Variants in DAPK2 observed in about 807,000 individuals in gnomAD.
The protein encoded by DAPK2 is death-associated protein kinase 2.
Under a neutral mutation model 44.1 loss-of-function variants are expected in DAPK2, and 35 were observed. The observed-to-expected ratio is 0.79, with a 90% confidence interval of 0.61 to 1.05. The LOEUF (loss-of-function observed/expected upper bound fraction) is 1.05. DAPK2 is among the 50% of genes least tolerant of loss of function. DAPK2 has a pLI of 0.00. For missense variants in DAPK2, 453 were observed against 483.2 expected (o/e 0.94, Z 0.59); for synonymous variants, 174 against 182.6 (o/e 0.95, Z 0.38).
At chr15:63,938,915 T>C (rs576018506) in intron 4 of DAPK2, among the ~76,000 whole-genome samples, 1 of 152,298 alleles carries the variant, frequency 6.6e-6, no homozygotes, top group Admixed American at 6.5e-5. Flanking sequence ...TAATTTTAAG[T>C]CTTCACAAGA....
chr15:64,042,622 G>T (rs749212430), upstream of DAPK2, among the ~76,000 whole-genome samples: 15 of 152,236 alleles, frequency 9.9e-5, no homozygotes, highest in Non-Finnish European at 1.9e-4. The surrounding 1 kb of genome is among the most constrained non-coding windows in gnomAD (Gnocchi z 4.7). Context: ...GGTTAGGGGG[G>T]CAGGTGAGCC....
chr15:64,036,529 C>T (rs905212155), intron 1 of DAPK2, among the ~76,000 whole-genome samples: 3 of 151,266 alleles, frequency 2.0e-5, no homozygotes, highest in Non-Finnish European at 4.4e-5. Flanking sequence ...GGATAACCAC[C>T]ATTCAGACTT....
At chr15:64,007,225 G>A (rs1208899556) in intron 1 of DAPK2, among the ~76,000 whole-genome samples, 7 of 151,804 alleles carry the variant, frequency 4.6e-5, no homozygotes, top group African/African-American at 9.7e-5. Flanking sequence ...TCAGCCTCTC[G>A]AGTAGCTGGG....
At chr15:63,989,514 G>A (rs1053593260) in intron 1 of DAPK2, among the ~76,000 whole-genome samples, 2 of 152,220 alleles carry the variant, frequency 1.3e-5, no homozygotes, top group African/African-American at 4.8e-5. Flanking sequence ...TAACTGACCA[G>A]TAGTGTGTAC....
rs142688860 is a variant in DAPK2 at position 63,931,936 on chromosome 15, A to G, written c.584-1481T>C. On this transcript the variant is annotated intron_variant, in intron 4 of 10. Coordinates refer to ENST00000261891, the Ensembl canonical transcript of DAPK2. The stretch of plus-strand genomic sequence containing the variant: ...TCCCAGCACTTTGGGAGGCCAAGGT[A>G]GGTGGATCACTTGATGTCAAGAGTT... 5.9e-4 allele frequency among the ~76,000 whole-genome samples: 89 copies of G among 149,850 alleles called. No homozygotes were observed. The East Asian group carries it at 0.017, about 29-fold the overall frequency.
chr15:64,042,486 G>A (rs180767927), upstream of DAPK2, among the ~76,000 whole-genome samples: 191 of 152,332 alleles, frequency 1.3e-3, no homozygotes, highest in African/African-American at 4.1e-3. This position sits in a 1 kb window ranked among gnomAD's most constrained non-coding sequence, Gnocchi z 4.7. Context: ...AGTGGTCCCA[G>A]GAACAGCTAA....
intron 1 of DAPK2, among the ~76,000 whole-genome samples, chr15:64,004,007 C>T (rs1234629033): frequency 6.6e-6 from 1 of 152,028 alleles, no homozygotes; most frequent in Non-Finnish European, 1.5e-5. Flanking sequence ...CAGTTTGTTC[C>T]ATCAAATCAA....
intron 2 of DAPK2, among the ~76,000 whole-genome samples, chr15:63,976,119 C>G (rs2078339560): frequency 6.6e-6 from 1 of 152,162 alleles, no homozygotes; most frequent in Admixed American, 6.5e-5. Flanking sequence ...CTATGATATG[C>G]TGTGACTTAC....
intron 3 of DAPK2, among the ~76,000 whole-genome samples, chr15:63,942,977 T>C (rs570380308): frequency 3.3e-5 from 5 of 152,126 alleles, no homozygotes; most frequent in Admixed American, 6.6e-5. Flanking sequence ...TCAATATATG[T>C]GCCCCAAGTG....
At chr15:64,025,728 T>A (rs1183871148) in intron 1 of DAPK2, among the ~76,000 whole-genome samples, 1 of 152,152 alleles carries the variant, frequency 6.6e-6, no homozygotes, top group Non-Finnish European at 1.5e-5. Flanking sequence ...AAAATCGAAT[T>A]TCCACAAGTT....
At chr15:63,943,959 T>C (rs1000407331) in intron 3 of DAPK2, among the ~76,000 whole-genome samples, 4 of 152,186 alleles carry the variant, frequency 2.6e-5, no homozygotes, top group African/African-American at 4.8e-5. Context: ...ACCTCGTGCC[T>C]GGCTCAGACA....
chr15:63,993,785 G>C (rs2078878339), intron 1 of DAPK2, among the ~76,000 whole-genome samples: 1 of 152,070 alleles, frequency 6.6e-6, no homozygotes, highest in South Asian at 2.1e-4. Context: ...ATTGGACCAA[G>C]ATATCTCTTT....
At chr15:63,959,929 G>A (rs1418029704) in intron 3 of DAPK2, among the ~76,000 whole-genome samples, 1 of 152,172 alleles carries the variant, frequency 6.6e-6, no homozygotes, top group African/African-American at 2.4e-5. Flanking sequence ...AGAAGGAATG[G>A]TACCAGCTCC....
At chr15:63,986,026 C>T (rs1164607183) in intron 1 of DAPK2, among the ~76,000 whole-genome samples, 1 of 152,232 alleles carries the variant, frequency 6.6e-6, no homozygotes, top group Non-Finnish European at 1.5e-5. Flanking sequence ...AAATACCACA[C>T]ACCACCACTC....
chr15:63,970,897 G>T (rs949419931), intron 3 of DAPK2, among the ~76,000 whole-genome samples: 2 of 152,250 alleles, frequency 1.3e-5, no homozygotes, highest in South Asian at 4.1e-4. Flanking sequence ...GCCCCTACAA[G>T]CAGTTTTATG....
chr15:64,033,354 C>G (rs1269485530), intron 1 of DAPK2, among the ~76,000 whole-genome samples: 1 of 144,238 alleles, frequency 6.9e-6, no homozygotes, highest in Non-Finnish European at 1.5e-5. Context: ...GGGTTAACTC[C>G]TGACCTGGTG....
At chr15:63,926,187 G>C in intron 6 of DAPK2, 94 bp from the exon 8 acceptor site, 1 of 1,444,938 alleles carries the variant, frequency 6.9e-7, no homozygotes, top group Non-Finnish European at 9.4e-7. Context: ...GACTGCTGCA[G>C]GGAGCTGGAA....
At chr15:63,943,113 C>CAAA (rs5813266) in intron 3 of DAPK2, among the ~76,000 whole-genome samples, 2 of 145,066 alleles carry the variant, frequency 1.4e-5, no homozygotes, top group Admixed American at 6.9e-5. Flanking sequence ...ATTCCTTTTG[C>CAAA]AAAAAAAAAA....
At chr15:64,011,271 G>C (rs1454196628) in intron 1 of DAPK2, among the ~76,000 whole-genome samples, 3 of 152,138 alleles carry the variant, frequency 2.0e-5, no homozygotes, top group Non-Finnish European at 4.4e-5. Flanking sequence ...GAGTAAAGAT[G>C]ATCTCAAGCT....
Sources: allele counts gnomAD v4.1 joint callset (sites outside exome capture counted in the v4.1 genomes callset), GRCh38; gene constraint gnomAD v4.1.1; non-coding constraint Gnocchi (gnomAD v3.1); transcripts MANE v1.5; gene names NCBI Gene and HGNC (gene_info 2026-07-23, HGNC 2026-07-21).